The following FUT8 variants were observed in gnomAD, a reference collection of about 807,000 sequenced individuals.
FUT8 encodes the protein fucosyltransferase 8.
FUT8 carries 29 observed loss-of-function variants against 71.3 expected under a neutral mutation model. The observed-to-expected ratio is 0.41, with a 90% confidence interval of 0.30 to 0.55. The LOEUF (loss-of-function observed/expected upper bound fraction) is 0.55, where lower values mean the gene tolerates loss of function less well. Among genes scored for constraint, FUT8 ranks in the 20% least tolerant of loss-of-function variants. The pLI is 0.34. For missense variants in FUT8, 544 were observed against 702.1 expected, an observed-to-expected ratio of 0.77 and a Z score of 2.55; for synonymous variants, 254 against 239.3, an observed-to-expected ratio of 1.06 and a Z score of -0.57.
chr14:65,366,176 T>A, the FUT8 span, among the ~76,000 whole-genome samples: 1 of 152,168 alleles, frequency 6.6e-6, no homozygotes, highest in East Asian at 1.9e-4. Context: ...TTTCTACCCT[T>A]ATGGAATTTA....
At chr14:65,700,177 T>C (rs1894210073) in intron 7 of FUT8, among the ~76,000 whole-genome samples, 1 of 152,146 alleles carries the variant, frequency 6.6e-6, no homozygotes. Flanking sequence ...CATTCACTAC[T>C]CTGATTAACA....
intron 2 of FUT8, among the ~76,000 whole-genome samples, chr14:65,507,671 A>AT (rs1392882733): frequency 1.3e-5 from 2 of 152,202 alleles, no homozygotes; most frequent in Non-Finnish European, 2.9e-5. Flanking sequence ...CACTGTGTAT[A>AT]TGTACCACAT....
At chr14:65,393,987 G>T in the FUT8 span, among the ~76,000 whole-genome samples, 13 of 152,064 alleles carry the variant, frequency 8.5e-5, no homozygotes, top group Non-Finnish European at 4.4e-5. Context: ...ACGGAGTTTT[G>T]CTCTTGTTGT....
At chr14:65,503,639 C>CCCTT (rs1466835036) in intron 2 of FUT8, among the ~76,000 whole-genome samples, 2 of 152,168 alleles carry the variant, frequency 1.3e-5, no homozygotes, top group Non-Finnish European at 2.9e-5. Context: ...CCTCTCTCTG[C>CCCTT]CCTTCCCTCC....
At chr14:65,733,560 T>C (rs1263528563) in intron 10 of FUT8, among the ~76,000 whole-genome samples, 179 bp downstream of exon 10, 1 of 152,208 alleles carries the variant, frequency 6.6e-6, no homozygotes, top group Non-Finnish European at 1.5e-5. Context: ...AACATAGCCA[T>C]TCACATGCAC....
At chr14:65,633,724 TGAG>T (rs973693832) in intron 6 of FUT8, among the ~76,000 whole-genome samples, 115 of 145,846 alleles carry the variant, frequency 7.9e-4, no homozygotes, top group African/African-American at 2.7e-3. Context: ...ATCTGAGAAG[TGAG>T]GAGACCCTCT....
chr14:65,618,786 G>A (rs1889442681), intron 5 of FUT8, among the ~76,000 whole-genome samples: 2 of 152,228 alleles, frequency 1.3e-5, no homozygotes, highest in East Asian at 1.9e-4. Flanking sequence ...TAGTGTATAG[G>A]TTTCTAGGTC....
chr14:65,714,310 C>T (rs893644939), intron 7 of FUT8, among the ~76,000 whole-genome samples: 6 of 152,218 alleles, frequency 3.9e-5, no homozygotes, highest in African/African-American at 1.4e-4. Context: ...GTTTTGGTTA[C>T]TGTAGCTCCA....
At chr14:65,716,383 C>CTTTTTTTTTTT (rs1283884145) in intron 7 of FUT8, among the ~76,000 whole-genome samples, 1 of 130,142 alleles carries the variant, frequency 7.7e-6, no homozygotes, top group African/African-American at 2.8e-5. Context: ...TTCTTTGTCC[C>CTTTTTTTTTTT]TTTTTTTTTT....
rs1454292698 is a variant in FUT8, at chr14:65,743,022, GA to G, written c.*616del. ...TCATTAATAAGTGAAGAATACATCA[GA>G]AAATAAAATATTCACTCTCCATTAG... is the stretch of plus-strand genomic sequence containing the variant. On this transcript the variant is annotated 3_prime_UTR_variant, in exon 11 of 11. Coordinates refer to ENST00000673929, the MANE Select transcript of FUT8 (RefSeq NM_001371533.1). The G allele has an allele frequency of 2.0e-5, 3 of 150,940 alleles. No homozygotes were observed. Among genetic ancestry groups the G allele is most frequent in the Non-Finnish European group, 4.4e-5 (3 of 67,692 alleles). The allele number at this position is 150,940 out of a possible 1,614,324, so 9.4% of individuals were successfully genotyped here.
At chr14:65,572,129 T>C (rs1002374560) in intron 3 of FUT8, among the ~76,000 whole-genome samples, 11 of 152,112 alleles carry the variant, frequency 7.2e-5, no homozygotes, top group Non-Finnish European at 1.6e-4. Flanking sequence ...TTATGACACT[T>C]TTCTCAAGGT....
At chr14:65,422,833 G>A (rs899031389) in intron 1 of FUT8, among the ~76,000 whole-genome samples, 1 of 151,452 alleles carries the variant, frequency 6.6e-6, no homozygotes, top group East Asian at 1.9e-4. Flanking sequence ...AATGTTTTTT[G>A]TAGAGGCAGG....
intron 2 of FUT8, among the ~76,000 whole-genome samples, chr14:65,527,181 C>T (rs1839285998): frequency 6.6e-6 from 1 of 152,200 alleles, no homozygotes; most frequent in Admixed American, 6.5e-5. Flanking sequence ...TCCATTCTCC[C>T]TGTCACTTTC....
intron 7 of FUT8, among the ~76,000 whole-genome samples, chr14:65,688,770 T>C (rs1324273161): frequency 6.6e-6 from 1 of 152,224 alleles, no homozygotes; most frequent in African/African-American, 2.4e-5. Flanking sequence ...TGTTTAGCTT[T>C]GTAAGAAACT....
intron 6 of FUT8, among the ~76,000 whole-genome samples, chr14:65,663,247 A>C (rs922043806): frequency 5.3e-5 from 8 of 152,080 alleles, no homozygotes; most frequent in African/African-American, 9.7e-5. Context: ...GAGTCCCATA[A>C]ATCTCTTTAT....
In FUT8 at chr14:65,412,771, T is replaced by A. The variant is rs1368598233; in HGVS notation, c.-769T>A. ...CGGCGCTGGCCGAGGCTTCCCCGCC[T>A]GCGCTCGTTGTCAGAGCCGCTCCGG... On this transcript the variant is annotated 5_prime_UTR_variant, in exon 1 of 11. Coordinates refer to ENST00000673929, the MANE Select transcript of FUT8 (RefSeq NM_001371533.1). 2 of 168,412 alleles carry A rather than the reference T, an allele frequency of 1.2e-5. No individual in the cohort carries two copies. Among genetic ancestry groups the A allele is most frequent in the Admixed American group, 6.4e-5 (1 of 15,592 alleles). 10.4% of individuals were successfully genotyped at this position (168,412 alleles called of 1,614,324 possible).
At chr14:65,732,169 A>G (rs1159529316) in intron 9 of FUT8, among the ~76,000 whole-genome samples, 1 of 152,218 alleles carries the variant, frequency 6.6e-6, no homozygotes, top group Non-Finnish European at 1.5e-5. Flanking sequence ...GATGGATTTG[A>G]ACACTGAATA....
chr14:65,707,635 A>G (rs1357960758), intron 7 of FUT8, among the ~76,000 whole-genome samples: 1 of 152,128 alleles, frequency 6.6e-6, no homozygotes, highest in Non-Finnish European at 1.5e-5. Context: ...TTAAAGTCTT[A>G]TAACCATTTT....
chr14:65,508,736 A>G (rs1882128465), intron 2 of FUT8, among the ~76,000 whole-genome samples: 1 of 151,592 alleles, frequency 6.6e-6, no homozygotes, highest in Non-Finnish European at 1.5e-5. Flanking sequence ...TCCTGACCTC[A>G]GGTAATCCAC....
Sources: gnomAD v4.1 joint callset for allele counts (sites outside exome capture counted in the v4.1 genomes callset) on GRCh38, gnomAD v4.1.1 for gene constraint, MANE v1.5 for transcripts, NCBI Gene and HGNC (gene_info 2026-07-23, HGNC 2026-07-21) for gene names.